The following ZNF638 variants were observed in gnomAD, a reference collection of about 807,000 sequenced individuals.
The protein encoded by ZNF638 is CTCL tumor antigen se33-1.
ZNF638 carries 46 observed loss-of-function variants against 195.6 expected under a neutral mutation model. That is an observed-to-expected ratio of 0.24 (90% CI 0.19 to 0.30). The LOEUF is 0.30. ZNF638 is among the 10% of genes least tolerant of loss of function. ZNF638 has a pLI of 1.00. For synonymous variants in ZNF638, 845 were observed against 772.0 expected (o/e 1.09, Z -1.57); for missense variants, 2,440 against 2,325.3 (o/e 1.05, Z -1.01).
chr2:71,426,809 A>T lies in ZNF638; in HGVS notation c.4940A>T (p.Glu1647Val). The T allele has an allele frequency of 6.2e-7, 1 of 1,613,214 alleles. No individual in the cohort carries two copies. Among genetic ancestry groups the T allele is most frequent in the Admixed American group, 1.7e-5 (1 of 59,870 alleles). The change falls in exon 24 of 28, where the codon GAA becomes GTA. Residue 1647 changes from glutamate (E) to valine (V), a missense_variant. This residue lies in a region of ZNF638 where 1,883 missense variants were observed against 1,739.1 expected (regional missense o/e 1.08). Transcript: ENST00000264447. The stretch of plus-strand genomic sequence containing the variant: ...TCAAATTCACTTTTTACATTAGATG[A>T]ATTAATTGACCAAGATGATTGCATT... ...KNSNSLFTLD[E>V]LIDQDDCISH...
chr2:71,332,057 A>G (rs957801699), intron 1 of ZNF638, among the ~76,000 whole-genome samples, 182 bp downstream of exon 1: 3 of 152,114 alleles, frequency 2.0e-5, no homozygotes, highest in African/African-American at 7.2e-5. Context: ...CGGGATGGGA[A>G]GGGAAGCTGT....
rs760789054 is a variant in ZNF638, at chr2:71,349,242, G to A, written c.288G>A (p.Lys96=). The part of the protein sequence containing the change: ...KLDFHEAQQK[K]GKPHGSRWDD... ...ATTTTCATGAAGCACAACAGAAGAA[G>A]GGGAAGCCTCATGGTAGCCGGTGGG... Residue 96 remains lysine, a synonymous_variant, in exon 2 of 28, where the codon AAG becomes AAA. Coordinates refer to ENST00000264447, the MANE Select transcript of ZNF638 (RefSeq NM_014497.5). 6.2e-7 allele frequency: 1 copy of A among 1,614,160 alleles called. No individual in the cohort carries two copies. Among genetic ancestry groups the A allele is most frequent in the South Asian group, 1.1e-5 (1 of 91,066 alleles).
intron 1 of ZNF638, among the ~76,000 whole-genome samples, chr2:71,339,177 G>A (rs1304455018): frequency 4.8e-5 from 7 of 147,198 alleles, no homozygotes; most frequent in Non-Finnish European, 7.4e-5. Context: ...TTATTGAGAC[G>A]GAGTCTCACT....
At chr2:71,365,007 ATTTTG>A (rs1456718747) in intron 5 of ZNF638, among the ~76,000 whole-genome samples, 2 of 152,164 alleles carry the variant, frequency 1.3e-5, no homozygotes, top group East Asian at 1.9e-4. Context: ...CATTTCACTA[ATTTTG>A]TTTTGGGAAT....
intron 17 of ZNF638, among the ~76,000 whole-genome samples, chr2:71,404,200 T>A (rs2080059654): frequency 6.6e-6 from 1 of 152,226 alleles, no homozygotes; most frequent in South Asian, 2.1e-4. Context: ...AATCCTATTC[T>A]TCATGTATGT....
chr2:71,389,814 C>T (rs757792699), intron 10 of ZNF638, among the ~76,000 whole-genome samples: 5 of 152,118 alleles, frequency 3.3e-5, no homozygotes, highest in Admixed American at 2.0e-4. Context: ...CCCCAGGCCG[C>T]TGATAATCTT....
intron 1 of ZNF638, among the ~76,000 whole-genome samples, chr2:71,337,680 A>G (rs1229768462): frequency 6.6e-6 from 1 of 152,254 alleles, no homozygotes; most frequent in African/African-American, 2.4e-5. Flanking sequence ...TAGTAAGATT[A>G]CGTGCATGAG....
intron 22 of ZNF638, among the ~76,000 whole-genome samples, chr2:71,424,351 G>C (rs1035601256): frequency 2.0e-5 from 3 of 151,100 alleles, no homozygotes; most frequent in East Asian, 3.9e-4. Flanking sequence ...CTCTGCTTCT[G>C]AATGGGAAAC....
Position 71,391,987 on chromosome 2 carries a change from G to GT in ZNF638, c.2378-4148dup, listed in dbSNP as rs1194999740. 6.6e-5 allele frequency among the ~76,000 whole-genome samples: 10 copies of GT among 152,272 alleles called. No individual in the cohort carries two copies. In the East Asian group the frequency reaches 1.2e-3, roughly 18 times the overall value. ...CACAGGGCTGCGCTTCCTAGAATGT[G>GT]TTTTTTGCTCACATACTGGGACTAA... is the stretch of plus-strand genomic sequence containing the variant. On this transcript the variant is annotated intron_variant, in intron 10 of 27. Coordinates refer to ENST00000264447, the MANE Select transcript of ZNF638 (RefSeq NM_014497.5).
Position 71,350,290 on chromosome 2 carries a change from A to T in ZNF638, c.1317+19A>T, listed in dbSNP as rs1356048126. ...TTTGAAGGTGAGTGTTTTTAAAAAAAGATCACTGTATAATGATGCTCAGCG... is the reference window on the plus strand; with the variant it reads ...TTTGAAGGTGAGTGTTTTTAAAAAATGATCACTGTATAATGATGCTCAGCG... On this transcript the variant is annotated intron_variant, in intron 2 of 27. Transcript: ENST00000264447. 1.3e-6 allele frequency: 2 copies of T among 1,593,124 alleles called. No individual in the cohort carries two copies. Among genetic ancestry groups the T allele is most frequent in the Non-Finnish European group, 1.7e-6 (2 of 1,175,834 alleles).
chr2:71,374,190 T>G (rs2079374728), intron 8 of ZNF638: 1 of 152,262 alleles, frequency 6.6e-6, no homozygotes, highest in Non-Finnish European at 1.5e-5. Flanking sequence ...TTTTATTCCT[T>G]AATCTATTAT....
At chr2:71,419,962 A>C (rs369735348) in intron 21 of ZNF638, among the ~76,000 whole-genome samples, 6,900 of 27,580 alleles carry the variant, frequency 0.25, 151 homozygotes, top group Middle Eastern at 0.39. Flanking sequence ...CTTAATTCCC[A>C]CCCCCCCCCG....
chr2:71,419,899 A>G (rs562071763), intron 21 of ZNF638, among the ~76,000 whole-genome samples: 2 of 148,298 alleles, frequency 1.3e-5, no homozygotes, highest in South Asian at 4.4e-4. Flanking sequence ...TAAATAATTT[A>G]TAGATGTATT....
At chr2:71,418,760 G>C (rs4852784) in intron 21 of ZNF638, 121 bp downstream of exon 21, 469,354 of 657,204 alleles carry the variant, frequency 0.71, 170,624 homozygotes, top group Non-Finnish European at 0.75. Flanking sequence ...TTTATTTTGT[G>C]TACATATGGG....
At chr2:71,419,509 C>G (rs1238317360) in intron 21 of ZNF638, among the ~76,000 whole-genome samples, 1 of 152,108 alleles carries the variant, frequency 6.6e-6, no homozygotes, top group Admixed American at 6.5e-5. Context: ...TTTATAAAAT[C>G]AGATTATTTT....
chr2:71,404,338 A>T lies in ZNF638; in HGVS notation c.2958+340A>T, dbSNP rs184947640. On this transcript the variant is annotated intron_variant, in intron 17 of 27. Coordinates refer to ENST00000264447, the MANE Select transcript of ZNF638 (RefSeq NM_014497.5). ...TTTTTTTCTCTCATTTCTTAAATTT[A>T]GTTCCTTGTAAATCTTGTTTAACTC... Among the ~76,000 whole-genome samples the T allele has an allele frequency of 2.0e-5, 3 of 152,232 alleles. No individual in the cohort carries two copies. In the East Asian group the frequency reaches 5.8e-4, roughly 29 times the overall value.
intron 20 of ZNF638, 85 bp downstream of exon 20, chr2:71,408,332 T>G (rs3755334): frequency 0.093 from 134,819 of 1,449,168 alleles, 6,879 homozygotes; most frequent in East Asian, 0.16. Context: ...TCAAACTGTT[T>G]CTGTGTTTAG....
In ZNF638 at chr2:71,426,671, T is replaced by C. The variant is rs1329038298; in HGVS notation, c.4802T>C (p.Leu1601Ser). Residue 1601 changes from leucine to serine, a missense_variant, in exon 24 of 28, where the codon TTG becomes TCG. This residue lies in a region of ZNF638 where 1,883 missense variants were observed against 1,739.1 expected (regional missense o/e 1.08). Coordinates refer to ENST00000264447, the MANE Select transcript of ZNF638 (RefSeq NM_014497.5). ...GVEGELSFVT[L>S]DEIGEEEDAA... is the part of the protein sequence containing the mutation. ...GAGGGAGAACTATCTTTTGTGACAT[T>C]GGATGAGATTGGGGAAGAGGAAGAT... 5.0e-6 allele frequency: 8 copies of C among 1,614,030 alleles called. No individual in the cohort carries two copies. In the Admixed American group the frequency reaches 1.3e-4, roughly 27 times the overall value.
At chr2:71,395,481 C>A (rs1227246639) in intron 10 of ZNF638, 15 of 605,716 alleles carry the variant, frequency 2.5e-5, no homozygotes, top group Non-Finnish European at 4.2e-5. Flanking sequence ...ATTCTCTTAC[C>A]CTGACGCTAA....
Sources: gnomAD v4.1 joint callset for allele counts (sites outside exome capture counted in the v4.1 genomes callset) on GRCh38, gnomAD v4.1.1 for gene constraint, gnomAD v4.1.1 regional missense constraint, MANE v1.5 for transcripts, NCBI Gene and HGNC (gene_info 2026-07-23, HGNC 2026-07-21) for gene names.